The following STARD13 variants were observed in gnomAD, a reference collection of about 807,000 sequenced individuals.
The protein encoded by STARD13 is stAR-related lipid transfer protein 13.
STARD13 carries 62 observed loss-of-function variants against 106.4 expected under a neutral mutation model. The ratio of observed to expected loss-of-function variants is 0.58; its 90% CI spans 0.48 to 0.72. The LOEUF (loss-of-function observed/expected upper bound fraction) is 0.72. STARD13 is among the 30% of genes least tolerant of loss of function. The pLI is 0.00. For missense variants in STARD13, 1,387 were observed against 1,424.0 expected, an observed-to-expected ratio of 0.97 and a Z score of 0.42; for synonymous variants, 565 against 553.0, an observed-to-expected ratio of 1.02 and a Z score of -0.31.
the STARD13 span, among the ~76,000 whole-genome samples, chr13:33,451,918 G>A: frequency 6.6e-6 from 1 of 152,336 alleles, no homozygotes; most frequent in South Asian, 2.1e-4. Flanking sequence ...TGGTAATTAT[G>A]AAGTGACCTT....
At chr13:33,117,925 T>G (rs1488732300) in intron 8 of STARD13, 140 bp downstream of exon 8, 4 of 1,427,050 alleles carry the variant, frequency 2.8e-6, no homozygotes, top group African/African-American at 1.4e-5. Flanking sequence ...AAAAGTTACT[T>G]CCGTAGAGGA....
chr13:33,241,882 G>A (rs530918821), intron 1 of STARD13, among the ~76,000 whole-genome samples: 12 of 152,242 alleles, frequency 7.9e-5, no homozygotes, highest in Non-Finnish European at 1.5e-4. Context: ...CCTGATCTAG[G>A]CTCACTACAA....
the STARD13 span, among the ~76,000 whole-genome samples, chr13:33,372,800 C>A: frequency 6.6e-6 from 1 of 151,784 alleles, no homozygotes; most frequent in East Asian, 1.9e-4. Flanking sequence ...TAGTAGTTTT[C>A]TTGGCCTATA....
intron 1 of STARD13, among the ~76,000 whole-genome samples, chr13:33,245,124 T>A (rs1889755662): frequency 6.6e-6 from 1 of 152,242 alleles, no homozygotes; most frequent in Non-Finnish European, 1.5e-5. Context: ...ACCGCAGAGC[T>A]GAGTTTCACT....
rs879932732 is a variant in STARD13 at position 33,296,059 on chromosome 13, T to TA, written c.124+54230dup. 4.2e-3 allele frequency among the ~76,000 whole-genome samples: 587 copies of TA among 139,932 alleles called. 4 individuals are homozygous for TA. The highest frequency in any genetic ancestry group is 0.013 in the African/African-American group (499 of 38,238). The allele number at this position is 139,932 out of a possible 152,430, so 91.8% of individuals were successfully genotyped here. ...AACATGGCGAAACCTCGTCTCTACT[T>TA]AAAAAAAAAAAAAGAAAAAGTTAGT... On this transcript the variant is annotated intron_variant, in intron 1 of 5. Transcript: ENST00000567873.
the STARD13 span, among the ~76,000 whole-genome samples, chr13:33,441,945 G>T: frequency 6.6e-6 from 1 of 152,138 alleles, no homozygotes; most frequent in South Asian, 2.1e-4. Context: ...TTAATAAATG[G>T]TGCAACTTCA....
the STARD13 span, among the ~76,000 whole-genome samples, chr13:33,439,213 A>C: frequency 6.6e-6 from 1 of 152,232 alleles, no homozygotes; most frequent in Admixed American, 6.5e-5. Flanking sequence ...ATAGTCATTA[A>C]AATAAGATTC....
the STARD13 span, among the ~76,000 whole-genome samples, chr13:33,633,576 A>G: frequency 8.2e-4 from 125 of 152,366 alleles, no homozygotes; most frequent in Middle Eastern, 6.8e-3. Flanking sequence ...AATGATTGGC[A>G]TAACTTTTAA....
chr13:33,315,534 C>A (rs938251196), intron 1 of STARD13, among the ~76,000 whole-genome samples: 4 of 152,188 alleles, frequency 2.6e-5, no homozygotes, highest in African/African-American at 9.6e-5. Flanking sequence ...TTAGCATCCA[C>A]TGACAGCAAT....
downstream of STARD13, among the ~76,000 whole-genome samples, chr13:33,345,946 T>C (rs945912711): frequency 6.6e-6 from 1 of 152,234 alleles, no homozygotes; most frequent in Non-Finnish European, 1.5e-5. Flanking sequence ...CTTTTGTACC[T>C]GTGGTATCCA....
chr13:33,304,051 A>T (rs1433776516), intron 1 of STARD13, among the ~76,000 whole-genome samples: 2 of 152,206 alleles, frequency 1.3e-5, no homozygotes, highest in African/African-American at 4.8e-5. Context: ...ATGAAAGACA[A>T]TTTTCTAATG....
the STARD13 span, among the ~76,000 whole-genome samples, chr13:33,582,562 A>G: frequency 3.9e-5 from 6 of 152,346 alleles, no homozygotes; most frequent in African/African-American, 1.4e-4. Flanking sequence ...TAATATGTAC[A>G]TGCCAAGCAC....
intron 1 of STARD13, among the ~76,000 whole-genome samples, chr13:33,341,442 A>C (rs1290406085): frequency 6.6e-6 from 1 of 151,952 alleles, no homozygotes; most frequent in Non-Finnish European, 1.5e-5. Context: ...ATCAAGACCA[A>C]CCTCGCTAAC....
the STARD13 span, among the ~76,000 whole-genome samples, chr13:33,482,616 T>A: frequency 6.6e-6 from 1 of 152,214 alleles, no homozygotes; most frequent in African/African-American, 2.4e-5. Flanking sequence ...CATAATTGAT[T>A]AGAATTTTAA....
the STARD13 span, among the ~76,000 whole-genome samples, chr13:33,429,576 T>C: frequency 4.6e-5 from 7 of 151,620 alleles, no homozygotes; most frequent in Non-Finnish European, 5.9e-5. Flanking sequence ...GGAGTACTAT[T>C]CAGCCATAAA....
chr13:33,173,927 T>G (rs1884248422), intron 1 of STARD13, among the ~76,000 whole-genome samples: 1 of 152,218 alleles, frequency 6.6e-6, no homozygotes, highest in Admixed American at 6.5e-5. Context: ...TATGTGGACT[T>G]CTTTCCCAAA....
At chr13:33,108,158 G>A (rs2138057033) in intron 12 of STARD13, among the ~76,000 whole-genome samples, 1 of 152,344 alleles carries the variant, frequency 6.6e-6, no homozygotes, top group Non-Finnish European at 1.5e-5. Context: ...AGCTAGCAAT[G>A]GGTGTGACAT....
intron 1 of STARD13, among the ~76,000 whole-genome samples, chr13:33,237,744 G>A (rs1308514399): frequency 6.6e-6 from 1 of 152,172 alleles, no homozygotes; most frequent in East Asian, 1.9e-4. Context: ...CTCTACTGAT[G>A]TTCTGAGAAA....
intron 1 of STARD13, among the ~76,000 whole-genome samples, chr13:33,222,452 TTA>T (rs1888409350): frequency 6.8e-6 from 1 of 146,288 alleles, no homozygotes; most frequent in African/African-American, 2.4e-5. Context: ...ATGGCAAACT[TTA>T]TGTTATGTGT....
Sources: allele counts gnomAD v4.1 joint callset (sites outside exome capture counted in the v4.1 genomes callset), GRCh38; gene constraint gnomAD v4.1.1; transcripts MANE v1.5; gene names NCBI Gene and HGNC (gene_info 2026-07-23, HGNC 2026-07-21).